USP54: variants seen among roughly 807,000 people sequenced by gnomAD.
USP54 encodes the protein ubiquitin carboxyl-terminal hydrolase 54.
Under a neutral mutation model 170.5 loss-of-function variants are expected in USP54, and 87 were observed. That is an observed-to-expected ratio of 0.51 (90% CI 0.43 to 0.61). The LOEUF (loss-of-function observed/expected upper bound fraction) is 0.61. Ranked by LOEUF, USP54 falls within the 20% of genes least tolerant of loss-of-function variation. The pLI is 0.00. For missense variants in USP54, 1,786 were observed against 2,047.8 expected (o/e 0.87, Z 2.47); for synonymous variants, 655 against 742.8 (o/e 0.88, Z 1.92).
intron 1 of USP54, among the ~76,000 whole-genome samples, chr10:73,612,946 A>G (rs1219566679): frequency 6.6e-6 from 1 of 151,650 alleles, no homozygotes; most frequent in Non-Finnish European, 1.5e-5. Flanking sequence ...ACTTGAGCTC[A>G]AGAGTTTGAG....
chr10:73,615,905 C>CAAAAAAAAAAAAAAAAAAAAAACAA (rs1170081483), intron 1 of USP54, among the ~76,000 whole-genome samples: 1 of 40,206 alleles, frequency 2.5e-5, no homozygotes, highest in African/African-American at 1.1e-4. Flanking sequence ...AGATCAGTCT[C>CAAAAAAAAAAAAAAAAAAAAAACAA]AAAAAAAAAA....
chr10:73,584,667 T>A (rs192597171), intron 1 of USP54, among the ~76,000 whole-genome samples: 1 of 152,168 alleles, frequency 6.6e-6, no homozygotes, highest in African/African-American at 2.4e-5. Context: ...CTAAATTAAC[T>A]ATAATTTATA....
At chr10:73,505,882 AAAC>A (rs2059048151) in intron 20 of USP54, 1 of 152,358 alleles carries the variant, frequency 6.6e-6, no homozygotes, top group South Asian at 2.1e-4. Flanking sequence ...AAAAAAAAAG[AAAC>A]AAGAATTTTA....
chr10:73,527,600 A>G (rs180910717), intron 15 of USP54, among the ~76,000 whole-genome samples: 2 of 152,008 alleles, frequency 1.3e-5, no homozygotes, highest in African/African-American at 4.8e-5. Flanking sequence ...ACTGAGCCCT[A>G]TGGGCAGGGT....
chr10:73,623,163 A>G (rs1441894964), intron 1 of USP54, among the ~76,000 whole-genome samples: 1 of 151,766 alleles, frequency 6.6e-6, no homozygotes, highest in Non-Finnish European at 1.5e-5. Context: ...AGGCAGGAGG[A>G]TTGCTGGGTA....
At chr10:73,607,342 A>G (rs2079744413) in intron 1 of USP54, among the ~76,000 whole-genome samples, 1 of 151,720 alleles carries the variant, frequency 6.6e-6, no homozygotes. Flanking sequence ...AAAAAGAAAA[A>G]AAAAAATAAA....
intron 1 of USP54, among the ~76,000 whole-genome samples, chr10:73,620,065 C>A (rs755975618): frequency 6.0e-5 from 9 of 150,454 alleles, no homozygotes; most frequent in East Asian, 1.9e-4. Context: ...GTAATCCCAG[C>A]ACTTTGGGAG....
chr10:73,556,633 C>T lies in USP54; in HGVS notation c.241-10961G>A, dbSNP rs558908565. Among the ~76,000 whole-genome samples the T allele has an allele frequency of 8.5e-5, 13 of 152,230 alleles. No homozygotes were observed. In the South Asian group the frequency reaches 1.2e-3, roughly 15 times the overall value. ...TGCTGGGATTACAGGCATGAGCCAC[C>T]GCGCCCGGGCTGAGTAATTTCTTAT... On this transcript the variant is annotated intron_variant, in intron 4 of 23. Transcript: ENST00000687698.
In USP54 at chr10:73,560,376, C is replaced by T. The variant is rs113231442; in HGVS notation, c.240+11045G>A. 1.6e-4 allele frequency among the ~76,000 whole-genome samples: 24 copies of T among 151,840 alleles called. No individual in the cohort carries two copies. The East Asian group carries it at 3.1e-3, about 20-fold the overall frequency. On this transcript the variant is annotated intron_variant, in intron 4 of 23. Transcript: ENST00000687698. ...CCTACTAAAAAAAGTGAGACCAGGCCGGGCATGGTGGCTCACGCCTGTAAT... is the reference window on the plus strand; with the variant it reads ...CCTACTAAAAAAAGTGAGACCAGGCTGGGCATGGTGGCTCACGCCTGTAAT...
intron 1 of USP54, among the ~76,000 whole-genome samples, chr10:73,606,733 G>T (rs2079661709): frequency 6.6e-6 from 1 of 151,970 alleles, no homozygotes; most frequent in East Asian, 1.9e-4. Flanking sequence ...AAAAAAATTA[G>T]CCAGGTGTGG....
rs749737922 is a variant in USP54, at chr10:73,541,355, T to C, written c.825+20A>G. ...AGACGCAAGAACTCAAAGTGAGAGA[T>C]AAAGGTAACTAACACGCACATCACC... On this transcript the variant is annotated intron_variant, in intron 9 of 23. Transcript: ENST00000687698. 1.2e-6 allele frequency: 2 copies of C among 1,613,642 alleles called. No homozygotes were observed. The highest frequency in any genetic ancestry group is 8.5e-7 in the Non-Finnish European group (1 of 1,179,852).
rs189244765 is a variant in USP54, at chr10:73,549,193, C to A, written c.241-3521G>T. 4.6e-5 allele frequency among the ~76,000 whole-genome samples: 7 copies of A among 152,282 alleles called. No homozygotes were observed. The East Asian group carries it at 1.3e-3, about 29-fold the overall frequency. On this transcript the variant is annotated intron_variant, in intron 4 of 23. Coordinates refer to ENST00000687698, the MANE Select transcript of USP54 (RefSeq NM_001391956.1). ...TTCCTTTTCAATTCCAAAACTCAGG[C>A]CTTGGACCTCTTGACTTCCCTAAAG...
intron 1 of USP54, among the ~76,000 whole-genome samples, chr10:73,601,654 C>T (rs1381293866): frequency 6.6e-6 from 1 of 152,162 alleles, no homozygotes. Flanking sequence ...CTTTCAGATG[C>T]ACACCTGATC....
chr10:73,503,980 T>C (rs1471494597), intron 22 of USP54, among the ~76,000 whole-genome samples: 6 of 152,172 alleles, frequency 3.9e-5, no homozygotes, highest in Non-Finnish European at 8.8e-5. Context: ...CCTCCCAAAG[T>C]GCTGGGATTA....
At chr10:73,610,192 A>T (rs920775495) in intron 1 of USP54, among the ~76,000 whole-genome samples, 11 of 152,092 alleles carry the variant, frequency 7.2e-5, no homozygotes, top group African/African-American at 2.7e-4. Flanking sequence ...TAAAAAAATA[A>T]AAATAAAAAA....
intron 23 of USP54, chr10:73,499,519 ACTCC>A (rs1370458990): frequency 4.8e-6 from 1 of 209,698 alleles, no homozygotes; most frequent in African/African-American, 2.3e-5. Flanking sequence ...GCAAACGTAT[ACTCC>A]CTTTGTGATG....
intron 11 of USP54, 143 bp from the exon 12 acceptor site, chr10:73,534,913 G>A: frequency 1.4e-6 from 1 of 705,340 alleles, no homozygotes; most frequent in Non-Finnish European, 2.2e-6. Context: ...ATACCATCAA[G>A]CCATTCTTCC....
intron 4 of USP54, among the ~76,000 whole-genome samples, chr10:73,554,960 G>C (rs2070588240): frequency 6.6e-6 from 1 of 152,174 alleles, no homozygotes; most frequent in African/African-American, 2.4e-5. Flanking sequence ...AAAATTAACT[G>C]GGTACAGTGG....
chr10:73,617,537 T>C lies in USP54; in HGVS notation c.-18+8030A>G, dbSNP rs940741634. Among the ~76,000 whole-genome samples, 3 of 149,980 alleles carry C rather than the reference T, an allele frequency of 2.0e-5. 1 individual carries two copies. The highest frequency in any genetic ancestry group is 7.6e-5 in the African/African-American group (3 of 39,542). Reference sequence around the variant, plus strand: ...ATCTCAAATAAATGGAAATTTAAAATGAGATCACTTGGCCAGGTGCAGTGG... The same window carrying C: ...ATCTCAAATAAATGGAAATTTAAAACGAGATCACTTGGCCAGGTGCAGTGG... On this transcript the variant is annotated intron_variant, in intron 1 of 22. Coordinates refer to the USP54 transcript ENST00000339859.
Sources: allele counts gnomAD v4.1 joint callset (sites outside exome capture counted in the v4.1 genomes callset), GRCh38; gene constraint gnomAD v4.1.1; transcripts MANE v1.5; gene names NCBI Gene and HGNC (gene_info 2026-07-23, HGNC 2026-07-21).